MND1: variants seen among roughly 807,000 people sequenced by gnomAD.
The protein encoded by MND1 is meiotic nuclear divisions 1.
Under a neutral mutation model 35.1 loss-of-function variants are expected in MND1, and 28 were observed. That is an observed-to-expected ratio of 0.80 (90% CI 0.59 to 1.09). The LOEUF (loss-of-function observed/expected upper bound fraction) is 1.09. Among genes scored for constraint, MND1 ranks in the 50% least tolerant of loss-of-function variants. The pLI is 0.00. For missense variants in MND1, 213 were observed against 239.6 expected (o/e 0.89, Z 0.73); for synonymous variants, 69 against 70.5 (o/e 0.98, Z 0.11).
chr4:153,360,112 T>G (rs1773445275), intron 4 of MND1, among the ~76,000 whole-genome samples: 1 of 152,178 alleles, frequency 6.6e-6, no homozygotes, highest in African/African-American at 2.4e-5. Flanking sequence ...TTATGCTTAT[T>G]TGTCATCTAT....
At chr4:153,372,900 A>G (rs1773825802) in intron 4 of MND1, among the ~76,000 whole-genome samples, 1 of 152,150 alleles carries the variant, frequency 6.6e-6, no homozygotes. Flanking sequence ...GACATTAAGG[A>G]TTATGTGCCC....
chr4:153,407,624 C>T (rs1184181271), intron 6 of MND1, among the ~76,000 whole-genome samples: 2 of 152,070 alleles, frequency 1.3e-5, no homozygotes, highest in African/African-American at 2.4e-5. Flanking sequence ...AAAAATTATT[C>T]GTATTAGCAG....
intron 5 of MND1, among the ~76,000 whole-genome samples, chr4:153,396,421 T>C (rs751310770): frequency 1.3e-5 from 2 of 152,154 alleles, no homozygotes; most frequent in Non-Finnish European, 2.9e-5. Context: ...AAAATACAAA[T>C]AAAAAATACA....
rs1396636592 is a variant in MND1, at chr4:153,374,418, G to A, written c.276+15796G>A. Among the ~76,000 whole-genome samples the A allele has an allele frequency of 3.9e-5, 6 of 152,132 alleles. No individual in the cohort carries two copies. The East Asian group carries it at 7.7e-4, about 20-fold the overall frequency. On this transcript the variant is annotated intron_variant, in intron 4 of 7. Coordinates refer to ENST00000240488, the MANE Select transcript of MND1 (RefSeq NM_032117.4). ...GTAAAATGAGTGAAAAGTAATACAT[G>A]CCAGACTGCCTAAATGAGCATTAGA...
intron 4 of MND1, among the ~76,000 whole-genome samples, chr4:153,386,947 G>T (rs1209396550): frequency 6.6e-6 from 1 of 152,316 alleles, no homozygotes; most frequent in South Asian, 2.1e-4. Flanking sequence ...TAGGGATGGT[G>T]CAGAGGAGGT....
Position 153,399,219 on chromosome 4 carries a change from A to T in MND1, c.466+1886A>T, listed in dbSNP as rs541902183. Among the ~76,000 whole-genome samples the T allele has an allele frequency of 2.0e-5, 3 of 152,018 alleles. No individual in the cohort carries two copies. The South Asian group carries it at 6.2e-4, about 32-fold the overall frequency. On this transcript the variant is annotated intron_variant, in intron 6 of 7. Coordinates refer to ENST00000240488, the MANE Select transcript of MND1 (RefSeq NM_032117.4). ...CTTTGCTTACCTGTTTCATTCTCTT[A>T]TATGTCTAGGACCTACAACTCTTAG...
At chr4:153,345,393 A>T (rs546958885) in intron 1 of MND1, 1 of 985,444 alleles carries the variant, frequency 1.0e-6, no homozygotes, top group South Asian at 4.7e-5. Context: ...GCCAAAGGGC[A>T]GGAGTCGCTG....
intron 4 of MND1, among the ~76,000 whole-genome samples, chr4:153,365,488 T>C (rs568407345): frequency 6.6e-6 from 1 of 152,306 alleles, no homozygotes; most frequent in South Asian, 2.1e-4. Context: ...AGCAGGGAGA[T>C]CAGATAGGTT....
chr4:153,373,701 C>T (rs576473658), intron 4 of MND1, among the ~76,000 whole-genome samples: 1 of 152,284 alleles, frequency 6.6e-6, no homozygotes, highest in African/African-American at 2.4e-5. Context: ...GAGGCTAACA[C>T]ATAGGTAGAT....
rs143870096 is a variant in MND1, at chr4:153,398,886, G to A, written c.466+1553G>A. 8.5e-5 allele frequency among the ~76,000 whole-genome samples: 13 copies of A among 152,338 alleles called. No homozygotes were observed. The East Asian group carries it at 2.5e-3, about 29-fold the overall frequency. On this transcript the variant is annotated intron_variant, in intron 6 of 7. Transcript: ENST00000240488. ...GTAGAAGGTTACTGTTAGGAAGCTAGGCCTGCGTATGATTCATCTTCAAAA... is the reference window on the plus strand; with the variant it reads ...GTAGAAGGTTACTGTTAGGAAGCTAAGCCTGCGTATGATTCATCTTCAAAA...
chr4:153,398,373 T>C (rs1729256153), intron 6 of MND1, among the ~76,000 whole-genome samples: 1 of 152,210 alleles, frequency 6.6e-6, no homozygotes, highest in East Asian at 1.9e-4. Flanking sequence ...ATGGAAAATA[T>C]TTGGTATGTT....
intron 1 of MND1, chr4:153,345,308 G>A: frequency 1.0e-6 from 1 of 983,458 alleles, no homozygotes; most frequent in South Asian, 4.7e-5. Flanking sequence ...TTCCAGAACT[G>A]CTCAGTTTCG....
chr4:153,407,353 C>T (rs1049619113), intron 6 of MND1, among the ~76,000 whole-genome samples: 4 of 152,094 alleles, frequency 2.6e-5, no homozygotes, highest in African/African-American at 9.7e-5. Context: ...ATCCCAGCAA[C>T]TCAGGAGGCT....
chr4:153,362,611 A>C (rs1773523588), intron 4 of MND1, among the ~76,000 whole-genome samples: 1 of 152,216 alleles, frequency 6.6e-6, no homozygotes, highest in Non-Finnish European at 1.5e-5. Context: ...AGAACAGCCT[A>C]ATACACATAC....
chr4:153,391,820 G>C (rs1159391047), intron 4 of MND1, among the ~76,000 whole-genome samples: 1 of 151,464 alleles, frequency 6.6e-6, no homozygotes. Context: ...GCAAGGAGAG[G>C]TATAACTGGT....
At chr4:153,354,141 C>T (rs1773285545) in intron 2 of MND1, among the ~76,000 whole-genome samples, 1 of 145,910 alleles carries the variant, frequency 6.9e-6, no homozygotes, top group Non-Finnish European at 1.5e-5. Context: ...ATATTCTAGA[C>T]AGGTTTTTTT....
intron 2 of MND1, among the ~76,000 whole-genome samples, chr4:153,352,522 A>G (rs1359566827): frequency 2.0e-5 from 3 of 152,120 alleles, no homozygotes; most frequent in African/African-American, 4.8e-5. Flanking sequence ...CAGTGTTGGT[A>G]TGGGGATTAA....
chr4:153,367,387 A>G (rs963029324), intron 4 of MND1, among the ~76,000 whole-genome samples: 9 of 152,184 alleles, frequency 5.9e-5, no homozygotes, highest in African/African-American at 1.9e-4. Context: ...TGGACATTCT[A>G]TATGAATGGA....
intron 4 of MND1, among the ~76,000 whole-genome samples, chr4:153,393,368 CTT>C (rs60689772): frequency 4.2e-4 from 53 of 125,296 alleles, no homozygotes; most frequent in African/African-American, 5.6e-4. Context: ...CAATTTCTTT[CTT>C]TTTTTTTTTT....
Sources: gnomAD v4.1 joint callset for allele counts (sites outside exome capture counted in the v4.1 genomes callset) on GRCh38, gnomAD v4.1.1 for gene constraint, MANE v1.5 for transcripts, NCBI Gene and HGNC (gene_info 2026-07-23, HGNC 2026-07-21) for gene names.